Variants in MAD1L1 observed in about 807,000 individuals in gnomAD.
The protein encoded by MAD1L1 is mitotic arrest deficient 1 like 1.
In MAD1L1, 95 loss-of-function variants were observed where a neutral mutation model predicts 96.9. The observed-to-expected ratio is 0.98, with a 90% CI of 0.83 to 1.16. The LOEUF (loss-of-function observed/expected upper bound fraction) is 1.16, where lower values mean the gene tolerates loss of function less well. Among genes scored for constraint, MAD1L1 ranks in the 50% most tolerant of loss-of-function variants. The pLI is 0.00. For missense variants in MAD1L1, 1,007 were observed against 954.4 expected (o/e 1.06, Z -0.73); for synonymous variants, 473 against 396.6 (o/e 1.19, Z -2.29).
At position 1,968,422 on chromosome 7, in the gene MAD1L1, C is replaced by A. The variant is rs977895025; in HGVS notation, c.1506-10703G>T. Among the ~76,000 whole-genome samples the A allele has an allele frequency of 6.6e-6, 1 of 150,600 alleles. No homozygotes were observed. The highest frequency in any genetic ancestry group is 2.5e-5 in the African/African-American group (1 of 40,712). ...GTCCACTGTCCATGCCTCAGTCCGGCGATCAGGTCCACCGTCAACGCCAGC... is the reference window on the plus strand; with the variant it reads ...GTCCACTGTCCATGCCTCAGTCCGGAGATCAGGTCCACCGTCAACGCCAGC... On this transcript the variant is annotated intron_variant, in intron 15 of 18. Coordinates refer to ENST00000265854, the MANE Select transcript of MAD1L1 (RefSeq NM_001013836.2). This position sits in a 1 kb window ranked among gnomAD's most constrained non-coding sequence, Gnocchi z 5.6.
chr7:1,915,515 G>A (rs558697512), intron 17 of MAD1L1, among the ~76,000 whole-genome samples: 1 of 152,312 alleles, frequency 6.6e-6, no homozygotes, highest in African/African-American at 2.4e-5. Context: ...CGGGACGTAC[G>A]TGGAGCGGTG....
chr7:2,198,405 C>A (rs1792104579), intron 10 of MAD1L1, among the ~76,000 whole-genome samples: 1 of 152,220 alleles, frequency 6.6e-6, no homozygotes, highest in Admixed American at 6.5e-5. Context: ...GGTACACACC[C>A]CCCTTCAAGC....
At chr7:1,884,729 C>G (rs1785904820) in intron 18 of MAD1L1, among the ~76,000 whole-genome samples, 1 of 152,208 alleles carries the variant, frequency 6.6e-6, no homozygotes, top group African/African-American at 2.4e-5. Context: ...CTGTGTGGAG[C>G]GGACCACGCC....
intron 16 of MAD1L1, among the ~76,000 whole-genome samples, chr7:1,939,709 G>A (rs1040704784): frequency 6.6e-6 from 1 of 152,232 alleles, no homozygotes; most frequent in Non-Finnish European, 1.5e-5. Flanking sequence ...ATCACCCCAC[G>A]CTCTCAGGAG....
At chr7:1,949,803 C>A (rs538269360) in intron 16 of MAD1L1, among the ~76,000 whole-genome samples, 1 of 152,370 alleles carries the variant, frequency 6.6e-6, no homozygotes, top group African/African-American at 2.4e-5. Flanking sequence ...GCCGCGGGGA[C>A]TGGCACCCCG....
chr7:2,064,969 G>A (rs1040918442), intron 12 of MAD1L1, among the ~76,000 whole-genome samples: 5 of 151,626 alleles, frequency 3.3e-5, no homozygotes, highest in East Asian at 3.9e-4. Context: ...GGCTTCTCCC[G>A]GGAGGATGGT....
chr7:1,840,986 G>A (rs768286264), intron 18 of MAD1L1, among the ~76,000 whole-genome samples: 2 of 152,242 alleles, frequency 1.3e-5, no homozygotes, highest in Non-Finnish European at 2.9e-5. Flanking sequence ...TTTGCAGCCT[G>A]GATGTGATGC....
chr7:1,817,105 G>C (rs1230718977), intron 18 of MAD1L1: 1 of 152,274 alleles, frequency 6.6e-6, no homozygotes, highest in African/African-American at 2.4e-5. Context: ...CTCATGCCAG[G>C]ACGCTGGGCA....
intron 11 of MAD1L1, among the ~76,000 whole-genome samples, chr7:2,090,280 T>C (rs924454454): frequency 1.3e-5 from 2 of 152,232 alleles, no homozygotes; most frequent in Non-Finnish European, 2.9e-5. Flanking sequence ...CCAGGTCCAC[T>C]GCCAGTTGAA....
At position 1,947,323 on chromosome 7, in the gene MAD1L1, G is replaced by A. The variant is rs115353903; in HGVS notation, c.1596+10306C>T. Among the ~76,000 whole-genome samples, 616 of 152,368 alleles carry A rather than the reference G, an allele frequency of 4.0e-3. 5 individuals are homozygous for A. Among genetic ancestry groups the A allele is most frequent in the African/African-American group, 0.014 (564 of 41,590 alleles). ...AGGCGCCTGTCCCCGTGTGCCTGAC[G>A]CGCATGCCGAGAGCAGAGAAAGCGC... is the stretch of plus-strand genomic sequence containing the variant. On this transcript the variant is annotated intron_variant, in intron 16 of 18. Transcript: ENST00000265854.
chr7:2,032,272 G>A (rs1383338385), intron 12 of MAD1L1, among the ~76,000 whole-genome samples: 1 of 152,224 alleles, frequency 6.6e-6, no homozygotes, highest in Non-Finnish European at 1.5e-5. Context: ...CCTGAGGCAG[G>A]CTGGAGTCCT....
chr7:1,858,854 C>A (rs961354747), intron 18 of MAD1L1, among the ~76,000 whole-genome samples: 2 of 152,230 alleles, frequency 1.3e-5, no homozygotes, highest in African/African-American at 4.8e-5. Flanking sequence ...CCCCTCCTGG[C>A]TTCAGGGACA....
chr7:2,231,473 G>A (rs1246784820), intron 1 of MAD1L1, among the ~76,000 whole-genome samples: 1 of 152,166 alleles, frequency 6.6e-6, no homozygotes, highest in African/African-American at 2.4e-5. Flanking sequence ...CAGATGTGGT[G>A]GCGTGCACCT....
chr7:2,229,955 A>C, intron 3 of MAD1L1, 29 bp downstream of exon 3: 2 of 1,610,076 alleles, frequency 1.2e-6, no homozygotes, highest in Non-Finnish European at 1.7e-6. Context: ...TCCCCAGAGC[A>C]GACTCCCACC....
At chr7:2,143,760 G>A (rs961878487) in intron 11 of MAD1L1, among the ~76,000 whole-genome samples, 9 of 152,096 alleles carry the variant, frequency 5.9e-5, no homozygotes, top group African/African-American at 1.2e-4. Context: ...CAGCAAGGTG[G>A]GATCTTCAAA....
At chr7:2,133,052 A>G (rs1788592873) in intron 11 of MAD1L1, among the ~76,000 whole-genome samples, 1 of 151,468 alleles carries the variant, frequency 6.6e-6, no homozygotes, top group African/African-American at 2.4e-5. Context: ...CCCATTTTCA[A>G]TGCTGAGCAT....
intron 13 of MAD1L1, among the ~76,000 whole-genome samples, chr7:2,004,329 G>A (rs553850774): frequency 9.9e-5 from 15 of 152,188 alleles, no homozygotes; most frequent in Non-Finnish European, 1.9e-4. Flanking sequence ...CTGGCAGCCC[G>A]TCCATGTCCG....
chr7:2,045,558 G>A (rs1783882348), intron 12 of MAD1L1, among the ~76,000 whole-genome samples: 1 of 152,214 alleles, frequency 6.6e-6, no homozygotes, highest in South Asian at 2.1e-4. Context: ...ACCGTTGGAG[G>A]CTAACCAGTG....
chr7:2,153,698 G>A (rs1244747134), intron 10 of MAD1L1, among the ~76,000 whole-genome samples: 4 of 152,202 alleles, frequency 2.6e-5, no homozygotes, highest in Admixed American at 6.5e-5. Context: ...TCCCACCACT[G>A]GGTATTTACT....
Sources: gnomAD v4.1 joint callset for allele counts (sites outside exome capture counted in the v4.1 genomes callset) on GRCh38, gnomAD v4.1.1 for gene constraint, Gnocchi (gnomAD v3.1) non-coding constraint, MANE v1.5 for transcripts, NCBI Gene and HGNC (gene_info 2026-07-23, HGNC 2026-07-21) for gene names.